The following AFAP1L1 variants were observed in gnomAD, a reference collection of about 807,000 sequenced individuals.
The protein encoded by AFAP1L1 is actin filament associated protein 1 like 1, also known as actin filament-associated protein 1-like 1.
In AFAP1L1, 77 loss-of-function variants were observed where a neutral mutation model predicts 99.8. The ratio of observed to expected loss-of-function variants is 0.77; its 90% CI spans 0.64 to 0.93. The LOEUF (loss-of-function observed/expected upper bound fraction) is 0.93, where lower values mean the gene tolerates loss of function less well. Among genes scored for constraint, AFAP1L1 ranks in the 40% least tolerant of loss-of-function variants. The probability of loss-of-function intolerance (pLI) is 0.00; values close to 1 mark genes in which losing one functional copy is unlikely to be tolerated. For missense variants in AFAP1L1, 893 were observed against 996.8 expected (o/e 0.90, Z 1.40); for synonymous variants, 373 against 395.3 (o/e 0.94, Z 0.67).
At chr5:149,274,739 T>C (rs890223250) in intron 1 of AFAP1L1, among the ~76,000 whole-genome samples, 73 of 151,634 alleles carry the variant, frequency 4.8e-4, no homozygotes, top group African/African-American at 1.6e-3. Flanking sequence ...ATGAGCTGGG[T>C]GTGGTGGCGG....
chr5:149,332,624 T>C (rs139223472), intron 16 of AFAP1L1, 71 bp from the exon 17 acceptor site: 141 of 1,528,386 alleles, frequency 9.2e-5, no homozygotes, highest in Non-Finnish European at 1.2e-4. Flanking sequence ...GACAAAGGCC[T>C]GAGGCCCTGC....
In AFAP1L1 at chr5:149,302,149, T is replaced by C. The variant is rs547082436; in HGVS notation, c.328-269T>C. 7.9e-5 allele frequency among the ~76,000 whole-genome samples: 12 copies of C among 152,370 alleles called. No individual in the cohort carries two copies. In the East Asian group the frequency reaches 2.3e-3, roughly 29 times the overall value. On this transcript the variant is annotated intron_variant, in intron 4 of 18. Coordinates refer to ENST00000296721, the MANE Select transcript of AFAP1L1 (RefSeq NM_152406.4). ...CACAGTAGCTTCTGGTAATTCTGCA[T>C]GTGCTCAGTAAAAAGTATGACTACT...
intron 9 of AFAP1L1, 74 bp from the exon 10 acceptor site, chr5:149,315,747 T>G: frequency 7.7e-7 from 1 of 1,292,126 alleles, no homozygotes; most frequent in Non-Finnish European, 1.1e-6. Flanking sequence ...TGGAGGGAGA[T>G]TGAACCAATA....
intron 14 of AFAP1L1, 48 bp from the exon 15 acceptor site, chr5:149,322,558 G>A (rs968579991): frequency 8.6e-6 from 12 of 1,390,152 alleles, no homozygotes; most frequent in Non-Finnish European, 1.2e-5. Context: ...CTGCATTGAT[G>A]AGTCTGCGCC....
chr5:149,274,154 C>T (rs761699964), intron 1 of AFAP1L1, among the ~76,000 whole-genome samples: 8 of 152,134 alleles, frequency 5.3e-5, no homozygotes, highest in African/African-American at 7.2e-5. Flanking sequence ...TCTTTAGTGT[C>T]GGCCTCCCTA....
intron 1 of AFAP1L1, among the ~76,000 whole-genome samples, chr5:149,298,730 A>G (rs976298915): frequency 1.3e-5 from 2 of 152,164 alleles, no homozygotes; most frequent in African/African-American, 2.4e-5. Flanking sequence ...CAGTGACATC[A>G]TGGTCTTGGC....
At position 149,316,398 on chromosome 5, in the gene AFAP1L1, C is replaced by T. The variant is rs1391201483; in HGVS notation, c.1267+95C>T. ...GAGACCTCATGCCTCGTCCACCTCA[C>T]CCCCAGGGCAGGGGAGGGAATCCAA... is the stretch of plus-strand genomic sequence containing the variant. On this transcript the variant is annotated intron_variant, in intron 11 of 18. Transcript: ENST00000296721. 11 of 1,461,272 alleles carry T rather than the reference C, an allele frequency of 7.5e-6. No homozygotes were observed. In the Admixed American group the frequency reaches 2.1e-4, roughly 28 times the overall value. 90.5% of individuals were successfully genotyped at this position (1,461,272 alleles called of 1,614,324 possible).
At chr5:149,315,968 G>T in intron 10 of AFAP1L1, 54 bp downstream of exon 10, 1 of 1,606,656 alleles carries the variant, frequency 6.2e-7, no homozygotes, top group South Asian at 1.1e-5. Context: ...GCCGGGCCTT[G>T]CCCATGGGCA....
intron 1 of AFAP1L1, among the ~76,000 whole-genome samples, chr5:149,282,845 G>A (rs1044548681): frequency 2.6e-5 from 4 of 152,186 alleles, no homozygotes; most frequent in African/African-American, 4.8e-5. Context: ...TAAACCATAC[G>A]AGAGTGTGTA....
intron 1 of AFAP1L1, among the ~76,000 whole-genome samples, chr5:149,286,378 A>G (rs1755680600): frequency 6.6e-6 from 1 of 152,140 alleles, no homozygotes; most frequent in Non-Finnish European, 1.5e-5. Context: ...GCCGCAAACA[A>G]ACAGCACCAG....
intron 1 of AFAP1L1, among the ~76,000 whole-genome samples, chr5:149,278,778 T>C (rs926642526): frequency 2.0e-5 from 3 of 152,206 alleles, no homozygotes; most frequent in African/African-American, 7.2e-5. Flanking sequence ...CTTCTCCCAC[T>C]TGCTCTATCT....
chr5:149,302,772 A>C, intron 5 of AFAP1L1: 10 of 380,142 alleles, frequency 2.6e-5, no homozygotes, highest in South Asian at 4.8e-5. Flanking sequence ...GCCTTGGAAA[A>C]TCCCCTTGCC....
chr5:149,305,072 C>G (rs1428755184), intron 5 of AFAP1L1, among the ~76,000 whole-genome samples: 6 of 152,226 alleles, frequency 3.9e-5, no homozygotes, highest in Admixed American at 3.9e-4. Context: ...GGGCTGATAT[C>G]TACCTCCCTG....
At chr5:149,316,553 G>A (rs772174025) in intron 11 of AFAP1L1, among the ~76,000 whole-genome samples, 45 of 152,244 alleles carry the variant, frequency 3.0e-4, no homozygotes, top group South Asian at 4.1e-4. Flanking sequence ...CCCTGTGACC[G>A]TAGCCCAAAT....
chr5:149,296,070 G>A (rs1756007604), intron 1 of AFAP1L1, among the ~76,000 whole-genome samples: 1 of 152,110 alleles, frequency 6.6e-6, no homozygotes. Context: ...GTTTTGCTCT[G>A]TTACCCAGGC....
intron 14 of AFAP1L1, among the ~76,000 whole-genome samples, chr5:149,321,738 A>C (rs529344589): frequency 6.6e-6 from 1 of 150,790 alleles, no homozygotes; most frequent in South Asian, 2.1e-4. Flanking sequence ...AAAAAAAAAA[A>C]AAAAAAAAAC....
chr5:149,296,637 T>C (rs759874813), intron 1 of AFAP1L1, among the ~76,000 whole-genome samples: 5 of 152,220 alleles, frequency 3.3e-5, no homozygotes, highest in African/African-American at 7.2e-5. Context: ...CAATCTCTTA[T>C]TCATTTTTTC....
At chr5:149,291,098 G>A (rs2127591788) in intron 1 of AFAP1L1, among the ~76,000 whole-genome samples, 1 of 152,348 alleles carries the variant, frequency 6.6e-6, no homozygotes, top group East Asian at 1.9e-4. Flanking sequence ...CCCTGAGGAA[G>A]TCAGGATTGA....
intron 16 of AFAP1L1, among the ~76,000 whole-genome samples, chr5:149,332,075 A>G (rs1269344221): frequency 6.6e-6 from 1 of 152,188 alleles, no homozygotes; most frequent in Non-Finnish European, 1.5e-5. Context: ...AACTAGAAGT[A>G]GAGTCAGCCC....
Sources: gnomAD v4.1 joint callset for allele counts (sites outside exome capture counted in the v4.1 genomes callset) on GRCh38, gnomAD v4.1.1 for gene constraint, MANE v1.5 for transcripts, NCBI Gene and HGNC (gene_info 2026-07-23, HGNC 2026-07-21) for gene names.